Variants in PKD1L1 observed in about 807,000 individuals in gnomAD.
The protein encoded by PKD1L1 is polycystin-1-like protein 1.
A neutral mutation model predicts 323.4 loss-of-function variants in PKD1L1; 236 were observed. The observed-to-expected ratio is 0.73, with a 90% CI of 0.66 to 0.81. PKD1L1 has a LOEUF of 0.81. Among genes scored for constraint, PKD1L1 ranks in the 40% least tolerant of loss-of-function variants. The probability of loss-of-function intolerance (pLI) is 0.00; values close to 1 mark genes in which losing one functional copy is unlikely to be tolerated. For synonymous variants in PKD1L1, 1,344 were observed against 1,335.0 expected (o/e 1.01, Z -0.15); for missense variants, 3,320 against 3,508.0 (o/e 0.95, Z 1.35).
intron 54 of PKD1L1, among the ~76,000 whole-genome samples, chr7:47,796,515 G>GGCCTGT (rs1488271010): frequency 6.6e-6 from 1 of 152,194 alleles, no homozygotes; most frequent in Non-Finnish European, 1.5e-5. Context: ...TCAGGAGAGA[G>GGCCTGT]GCCTGTGCCT....
chr7:47,932,477 G>A (rs1010824145), intron 4 of PKD1L1, among the ~76,000 whole-genome samples: 5 of 152,208 alleles, frequency 3.3e-5, no homozygotes, highest in South Asian at 4.1e-4. Context: ...TGCTTATTCC[G>A]AGTGCAGTCA....
intron 24 of PKD1L1, among the ~76,000 whole-genome samples, chr7:47,873,483 C>T (rs369309093): frequency 1.3e-4 from 20 of 151,816 alleles, no homozygotes; most frequent in African/African-American, 4.8e-4. Context: ...CCCATCTCTA[C>T]TAAAAATACA....
chr7:47,912,707 C>T (rs1248846674), intron 8 of PKD1L1, among the ~76,000 whole-genome samples: 1 of 149,360 alleles, frequency 6.7e-6, no homozygotes. Flanking sequence ...TCCTAGCTAC[C>T]TGGGAGGCTG....
intron 17 of PKD1L1, 118 bp from the exon 18 acceptor site, chr7:47,886,172 A>G (rs77696963): frequency 1.4e-5 from 19 of 1,337,636 alleles, no homozygotes; most frequent in Non-Finnish European, 1.9e-5. Flanking sequence ...GTGAATTTGA[A>G]AACCTACACT....
chr7:47,953,782 G>A, the PKD1L1 span, among the ~76,000 whole-genome samples: 16 of 152,236 alleles, frequency 1.1e-4, no homozygotes, highest in Non-Finnish European at 2.2e-4. Flanking sequence ...CTTCCCTCAC[G>A]AGGGCCCCTT....
chr7:47,849,691 T>A (rs922784183), intron 31 of PKD1L1, among the ~76,000 whole-genome samples: 1 of 143,952 alleles, frequency 6.9e-6, no homozygotes, highest in Non-Finnish European at 1.5e-5. Context: ...AAATAATAGA[T>A]TTTGGTTGTG....
At chr7:47,955,532 A>G in the PKD1L1 span, among the ~76,000 whole-genome samples, 1 of 152,180 alleles carries the variant, frequency 6.6e-6, no homozygotes, top group Non-Finnish European at 1.5e-5. Flanking sequence ...TCAACATCTA[A>G]CCTGCTTTTT....
chr7:47,915,465 G>T lies in PKD1L1; in HGVS notation c.1195C>A (p.Leu399Ile). 9.2e-7 allele frequency: 1 copy of T among 1,086,826 alleles called. No individual in the cohort carries two copies. Among genetic ancestry groups the T allele is most frequent in the Non-Finnish European group, 1.4e-6 (1 of 698,412 alleles). 67.3% of individuals were successfully genotyped at this position (1,086,826 alleles called of 1,614,324 possible). ...AAGGCAGAAATAAGCTCATATCCAA[G>T]GTTACTGGGGTCTGAGTCTTCCAGG... ...SCLEDSDPSN[L>I]GYELISAFVT... The change falls in exon 8 of 57, where the codon CTT becomes ATT. Residue 399 changes from leucine (L) to isoleucine (I), a missense_variant. By Grantham distance (5) the Leu-to-Ile change is conservative. Transcript: ENST00000289672.
intron 55 of PKD1L1, among the ~76,000 whole-genome samples, chr7:47,794,380 A>C (rs1221841085): frequency 6.6e-6 from 1 of 152,168 alleles, no homozygotes; most frequent in Non-Finnish European, 1.5e-5. Context: ...CCATGGCCGA[A>C]AGGGGCCATT....
intron 56 of PKD1L1, among the ~76,000 whole-genome samples, chr7:47,777,951 G>A (rs192067026): frequency 1.1e-4 from 16 of 152,362 alleles, no homozygotes; most frequent in Admixed American, 8.5e-4. Flanking sequence ...CAGGGGAGGT[G>A]GCGTCAGTGC....
intron 2 of PKD1L1, among the ~76,000 whole-genome samples, chr7:47,943,096 A>G (rs767599947): frequency 3.5e-4 from 52 of 148,430 alleles, no homozygotes; most frequent in Non-Finnish European, 5.9e-5. Context: ...CAGTGAGCCA[A>G]GATCATGCCA....
chr7:47,800,927 G>A (rs746422199), intron 53 of PKD1L1, 48 bp from the exon 54 acceptor site: 1 of 1,511,104 alleles, frequency 6.6e-7, no homozygotes, highest in Non-Finnish European at 9.2e-7. Context: ...CCTCTTCTTA[G>A]GAGTGGAAGA....
chr7:47,811,626 G>T (rs1043220018), intron 50 of PKD1L1, among the ~76,000 whole-genome samples, 191 bp downstream of exon 50: 1 of 152,180 alleles, frequency 6.6e-6, no homozygotes, highest in Non-Finnish European at 1.5e-5. Flanking sequence ...TTCCCCACTG[G>T]GGGTCTTCTT....
chr7:47,813,395 C>T (rs1025797209), intron 48 of PKD1L1, 102 bp from the exon 49 acceptor site: 9 of 1,238,626 alleles, frequency 7.3e-6, no homozygotes, highest in Non-Finnish European at 1.0e-5. Flanking sequence ...CCTGCTCTGT[C>T]CTGCAACATG....
chr7:47,843,220 A>ATTTTC, intron 33 of PKD1L1, 51 bp from the exon 34 acceptor site: 1 of 1,430,980 alleles, frequency 7.0e-7, no homozygotes, highest in Non-Finnish European at 9.6e-7. Context: ...AAATAGACAT[A>ATTTTC]TAGGAAAAGA....
rs1786539716 is a variant in PKD1L1 at position 47,880,909 on chromosome 7, A to C, written c.3443-104T>G. On this transcript the variant is annotated intron_variant, in intron 20 of 56. Transcript: ENST00000289672. ...AGTTCCACTCTTCCCCCAGGGGTGA[A>C]ATTAACATAGATACTAGTGAAACAT... The C allele has an allele frequency of 7.5e-6, 6 of 801,308 alleles. No individual in the cohort carries two copies. The South Asian group carries it at 9.8e-5, about 13-fold the overall frequency. The allele number at this position is 801,308 out of a possible 1,614,324, so 49.6% of individuals were successfully genotyped here.
chr7:47,800,217 T>G (rs924495414), intron 54 of PKD1L1, among the ~76,000 whole-genome samples: 4 of 152,210 alleles, frequency 2.6e-5, no homozygotes, highest in African/African-American at 7.2e-5. Context: ...CAGGGAGCCA[T>G]TCCTCCTTCA....
chr7:47,854,774 A>G lies in PKD1L1; in HGVS notation c.4859+108T>C, dbSNP rs1785859335. 16 of 1,331,820 alleles carry G rather than the reference A, an allele frequency of 1.2e-5. No individual in the cohort carries two copies. In the South Asian group the frequency reaches 1.9e-4, roughly 16 times the overall value. 82.5% of individuals were successfully genotyped at this position (1,331,820 alleles called of 1,614,324 possible). Reference sequence around the variant, plus strand: ...ACAATTTCTTTAAACAATGAGCCTCATTATTGCTTTAAAAACACAATTTAA... The same window carrying G: ...ACAATTTCTTTAAACAATGAGCCTCGTTATTGCTTTAAAAACACAATTTAA... On this transcript the variant is annotated intron_variant, in intron 30 of 56. Transcript: ENST00000289672.
At chr7:47,816,485 G>A (rs552529866) in intron 46 of PKD1L1, among the ~76,000 whole-genome samples, 5 of 152,108 alleles carry the variant, frequency 3.3e-5, no homozygotes, top group African/African-American at 7.2e-5. Context: ...GTGTTCCTAC[G>A]AGAAAGCAAA....
Sources: allele counts gnomAD v4.1 joint callset (sites outside exome capture counted in the v4.1 genomes callset), GRCh38; gene constraint gnomAD v4.1.1; transcripts MANE v1.5; gene names NCBI Gene and HGNC (gene_info 2026-07-23, HGNC 2026-07-21).